Variants in KHDRBS2 observed in about 807,000 individuals in gnomAD.
The protein encoded by KHDRBS2 is KH domain-containing, RNA-binding, signal transduction-associated protein 2.
Under a neutral mutation model 44.3 loss-of-function variants are expected in KHDRBS2, and 26 were observed. The observed-to-expected ratio is 0.59, with a 90% confidence interval of 0.43 to 0.81. The LOEUF is 0.81. Among genes scored for constraint, KHDRBS2 ranks in the 40% least tolerant of loss-of-function variants. The probability of loss-of-function intolerance (pLI) is 0.00; values close to 1 mark genes in which losing one functional copy is unlikely to be tolerated. For missense variants in KHDRBS2, 476 were observed against 433.1 expected (o/e 1.10, Z -0.88); for synonymous variants, 194 against 151.1 (o/e 1.28, Z -2.08).
intron 6 of KHDRBS2, among the ~76,000 whole-genome samples, chr6:61,771,903 C>A (rs1282924446): frequency 6.6e-6 from 1 of 152,116 alleles, no homozygotes; most frequent in Non-Finnish European, 1.5e-5. Context: ...AGCACCACAC[C>A]ACACCTACTC....
chr6:61,775,029 A>G (rs1253842418), intron 6 of KHDRBS2, among the ~76,000 whole-genome samples: 1 of 152,134 alleles, frequency 6.6e-6, no homozygotes, highest in African/African-American at 2.4e-5. Flanking sequence ...AAACAGAACC[A>G]AAGACAAAAA....
intron 2 of KHDRBS2, among the ~76,000 whole-genome samples, chr6:62,104,023 G>A (rs541443542): frequency 2.0e-5 from 3 of 152,180 alleles, no homozygotes; most frequent in African/African-American, 7.2e-5. Context: ...ATATACATAA[G>A]GGGCTGAAGA....
At chr6:62,034,693 GA>G (rs1171214560) in intron 3 of KHDRBS2, among the ~76,000 whole-genome samples, 4,673 of 60,784 alleles carry the variant, frequency 0.077, 36 homozygotes, top group African/African-American at 0.13. Flanking sequence ...ATTCTGAACA[GA>G]AAAAAAAAAA....
intron 2 of KHDRBS2, among the ~76,000 whole-genome samples, chr6:62,053,466 A>T (rs1021960784): frequency 4.6e-5 from 7 of 152,042 alleles, no homozygotes; most frequent in African/African-American, 1.7e-4. Flanking sequence ...TAGGTATACA[A>T]GTATTTTAAG....
chr6:62,117,120 A>T (rs1371846292), intron 2 of KHDRBS2, among the ~76,000 whole-genome samples: 1 of 152,116 alleles, frequency 6.6e-6, no homozygotes. Context: ...CTCAGTGGTG[A>T]GATTTCTAGA....
chr6:61,635,070 T>C, the KHDRBS2 span, among the ~76,000 whole-genome samples: 1 of 152,050 alleles, frequency 6.6e-6, no homozygotes, highest in Non-Finnish European at 1.5e-5. Context: ...TCTCCATCAA[T>C]TTTCCTAGGT....
chr6:62,115,224 A>G (rs192300632), intron 2 of KHDRBS2, among the ~76,000 whole-genome samples: 77 of 152,272 alleles, frequency 5.1e-4, no homozygotes, highest in African/African-American at 1.8e-3. Flanking sequence ...ATGAAGCACA[A>G]TTAAGTTTTA....
At chr6:62,156,255 A>C (rs1438148497) in intron 2 of KHDRBS2, among the ~76,000 whole-genome samples, 2 of 152,226 alleles carry the variant, frequency 1.3e-5, no homozygotes. Context: ...ATGTTTCCCA[A>C]GTTCTACTAA....
At chr6:62,275,953 T>C (rs935199593) in intron 1 of KHDRBS2, among the ~76,000 whole-genome samples, 1 of 152,200 alleles carries the variant, frequency 6.6e-6, no homozygotes, top group Non-Finnish European at 1.5e-5. Flanking sequence ...AGCCATTACT[T>C]GAGTCATCCC....
At chr6:61,689,782 A>C (rs1316249345) in intron 8 of KHDRBS2, among the ~76,000 whole-genome samples, 1 of 151,988 alleles carries the variant, frequency 6.6e-6, no homozygotes, top group African/African-American at 2.4e-5. Flanking sequence ...TACCCATTGA[A>C]CTAAAGGTTT....
At chr6:61,973,928 G>A (rs377530643) in intron 4 of KHDRBS2, among the ~76,000 whole-genome samples, 37 of 150,916 alleles carry the variant, frequency 2.5e-4, no homozygotes, top group African/African-American at 8.5e-4. Context: ...ATTGGAAGAT[G>A]TAAAAAAGCA....
At chr6:61,967,575 A>G (rs1770314226) in intron 4 of KHDRBS2, among the ~76,000 whole-genome samples, 1 of 151,904 alleles carries the variant, frequency 6.6e-6, no homozygotes, top group African/African-American at 2.4e-5. Context: ...ACCCAGATTC[A>G]GAGGAGTCCC....
At chr6:62,106,465 G>C (rs375719078) in intron 2 of KHDRBS2, among the ~76,000 whole-genome samples, 3 of 152,134 alleles carry the variant, frequency 2.0e-5, no homozygotes, top group South Asian at 4.1e-4. Flanking sequence ...GGGTGCTCCT[G>C]TATTGGGTGC....
the KHDRBS2 span, among the ~76,000 whole-genome samples, chr6:61,605,010 A>C: frequency 1.3e-4 from 20 of 152,098 alleles, no homozygotes; most frequent in African/African-American, 4.8e-4. Context: ...CTCAATCTTC[A>C]GAAAAGGTAG....
intron 4 of KHDRBS2, among the ~76,000 whole-genome samples, chr6:61,918,139 G>A (rs1807365260): frequency 6.6e-6 from 1 of 151,984 alleles, no homozygotes; most frequent in Non-Finnish European, 1.5e-5. Context: ...CAGGGATTAT[G>A]TGGTAGAAAA....
chr6:61,853,070 T>C (rs1795682863), intron 6 of KHDRBS2, among the ~76,000 whole-genome samples: 1 of 152,192 alleles, frequency 6.6e-6, no homozygotes, highest in Non-Finnish European at 1.5e-5. Flanking sequence ...GCTCTGAGCT[T>C]CTGGCTATGA....
chr6:62,200,004 A>C (rs1826581833), intron 1 of KHDRBS2, among the ~76,000 whole-genome samples: 1 of 152,214 alleles, frequency 6.6e-6, no homozygotes, highest in Non-Finnish European at 1.5e-5. Context: ...CTATTTAATA[A>C]ATGGTGCTGG....
intron 4 of KHDRBS2, among the ~76,000 whole-genome samples, chr6:61,932,484 C>T (rs1810247424): frequency 6.6e-6 from 1 of 152,202 alleles, no homozygotes; most frequent in African/African-American, 2.4e-5. Flanking sequence ...GTGAGATCAA[C>T]ATTTTTAGAT....
chr6:62,255,599 C>T (rs1447206806), intron 1 of KHDRBS2, among the ~76,000 whole-genome samples: 1 of 124,714 alleles, frequency 8.0e-6, no homozygotes, highest in East Asian at 2.5e-4. Context: ...ATTCCTCATG[C>T]TTTAAAACAC....
Sources: gnomAD v4.1 joint callset for allele counts (sites outside exome capture counted in the v4.1 genomes callset) on GRCh38, gnomAD v4.1.1 for gene constraint, MANE v1.5 for transcripts, NCBI Gene and HGNC (gene_info 2026-07-23, HGNC 2026-07-21) for gene names.